The following FAT4 variants were observed in gnomAD, a reference collection of about 807,000 sequenced individuals.
FAT4 encodes protocadherin Fat 4.
Under a neutral mutation model 303.9 loss-of-function variants are expected in FAT4, and 84 were observed. That is an observed-to-expected ratio of 0.28 (90% confidence interval 0.23 to 0.33). The LOEUF is 0.33. Among genes scored for constraint, FAT4 ranks in the 10% least tolerant of loss-of-function variants. The probability of loss-of-function intolerance (pLI) is 1.00; values close to 1 mark genes in which losing one functional copy is unlikely to be tolerated. For missense variants in FAT4, 6,005 were observed against 6,146.8 expected (o/e 0.98, Z 0.77); for synonymous variants, 2,307 against 2,298.8 (o/e 1.00, Z -0.10).
At chr4:125,333,619 T>A (rs1354982076) in intron 2 of FAT4, among the ~76,000 whole-genome samples, 1 of 152,194 alleles carries the variant, frequency 6.6e-6, no homozygotes, top group Non-Finnish European at 1.5e-5. Flanking sequence ...AGGAAAAATC[T>A]AACTAGAGAG....
intron 11 of FAT4, 121 bp from the exon 12 acceptor site, chr4:125,468,391 T>C (rs572706670): frequency 1.6e-6 from 1 of 617,534 alleles, no homozygotes; most frequent in Non-Finnish European, 2.5e-6. Flanking sequence ...TGAAATTTTT[T>C]GGAAAGTAAA....
rs2126097563 is a variant in FAT4 at position 125,490,904 on chromosome 4, T to C, written c.14088T>C (p.Thr4696=). 6.2e-7 allele frequency: 1 copy of C among 1,614,116 alleles called. No individual in the cohort carries two copies. The highest frequency in any genetic ancestry group is 8.5e-7 in the Non-Finnish European group (1 of 1,180,030). The change falls in exon 18 of 18, where the codon ACT becomes ACC. Residue 4696 remains threonine (T), a synonymous_variant. Coordinates refer to ENST00000394329, the MANE Select transcript of FAT4 (RefSeq NM_001291303.3). ...CCCTAAGCCACTCAGCATGCCCAAC[T>C]CCCAACCCTCTGTCTCGACACAGTC... is the stretch of plus-strand genomic sequence containing the variant. ...TSSLSHSACP[T]PNPLSRHSPA... is the part of the protein sequence containing the mutation.
chr4:125,416,922 G>A (rs1339796919), intron 7 of FAT4, among the ~76,000 whole-genome samples: 1 of 151,992 alleles, frequency 6.6e-6, no homozygotes, highest in Non-Finnish European at 1.5e-5. Context: ...CTCCAGCCTG[G>A]GCAACAAGAA....
intron 16 of FAT4, among the ~76,000 whole-genome samples, chr4:125,481,970 A>C (rs1268100901): frequency 6.6e-6 from 1 of 152,218 alleles, no homozygotes; most frequent in Admixed American, 6.5e-5. Context: ...TAGAGTAGAG[A>C]ACCCTGCCAG....
chr4:125,457,555 T>C (rs760797405), intron 10 of FAT4, among the ~76,000 whole-genome samples: 15 of 151,952 alleles, frequency 9.9e-5, no homozygotes, highest in Non-Finnish European at 1.8e-4. Flanking sequence ...CAAAAGAAAA[T>C]TGAAAAAAAG....
At chr4:125,417,383 T>A (rs911182282) in intron 7 of FAT4, among the ~76,000 whole-genome samples, 1 of 152,148 alleles carries the variant, frequency 6.6e-6, no homozygotes, top group African/African-American at 2.4e-5. Flanking sequence ...ATGTGCAGGC[T>A]GCTCAAGAAC....
intron 8 of FAT4, among the ~76,000 whole-genome samples, chr4:125,434,827 C>T (rs116543404): frequency 0.015 from 2,311 of 152,184 alleles, 68 homozygotes; most frequent in African/African-American, 0.053. Flanking sequence ...ATCTTGGCCC[C>T]CTCTGTCCTC....
rs779321842 is a variant in FAT4 at position 125,317,860 on chromosome 4, C to T, written c.1449C>T (p.Asn483=). 9.6e-5 allele frequency: 155 copies of T among 1,614,020 alleles called. No homozygotes were observed. Among genetic ancestry groups the T allele is most frequent in the Middle Eastern group, 3.3e-4 (2 of 6,084 alleles). ...PVFSQQVYRV[N]LSEEAPPGSY... The stretch of plus-strand genomic sequence containing the variant: ...TTTCACAGCAAGTGTACAGAGTGAA[C>T]CTGAGCGAGGAGGCGCCTCCGGGAA... The change falls in exon 2 of 18, where the codon AAC becomes AAT. Residue 483 remains asparagine (N), a synonymous_variant. Coordinates refer to ENST00000394329, the MANE Select transcript of FAT4 (RefSeq NM_001291303.3). This position sits in a 1 kb window ranked among gnomAD's most constrained non-coding sequence, Gnocchi z 7.0.
At position 125,408,603 on chromosome 4, in the gene FAT4, A is replaced by G; in HGVS notation, c.5729A>G (p.Gln1910Arg). Residue 1910 changes from glutamine to arginine, a missense_variant, in exon 5 of 18, where the codon CAA becomes CGA. Coordinates refer to ENST00000394329, the MANE Select transcript of FAT4 (RefSeq NM_001291303.3). The stretch of plus-strand genomic sequence containing the variant: ...CGATTATTAGATTATGAAGTACAGC[A>G]ATATTATATCCTCACTGTTCGAGCA... Reference protein sequence around the residue: ...LTRLLDYEVQQYYILTVRAED... With the variant: ...LTRLLDYEVQRYYILTVRAED... 1 of 1,612,836 alleles carries G rather than the reference A, an allele frequency of 6.2e-7. No individual in the cohort carries two copies. Among genetic ancestry groups the G allele is most frequent in the South Asian group, 1.1e-5 (1 of 91,028 alleles).
At chr4:125,377,057 A>G (rs748380211) in intron 2 of FAT4, among the ~76,000 whole-genome samples, 12 of 151,924 alleles carry the variant, frequency 7.9e-5, no homozygotes, top group Non-Finnish European at 1.3e-4. Context: ...GGTGGTTGTT[A>G]TTTTCTTTGT....
intron 7 of FAT4, among the ~76,000 whole-genome samples, chr4:125,432,166 C>T (rs1383574285): frequency 6.6e-6 from 1 of 152,106 alleles, no homozygotes; most frequent in Non-Finnish European, 1.5e-5. Flanking sequence ...GCTGCTTGTC[C>T]AGACCCCCAA....
At chr4:125,362,770 A>T (rs945812209) in intron 2 of FAT4, 2 of 152,180 alleles carry the variant, frequency 1.3e-5, no homozygotes, top group Non-Finnish European at 2.9e-5. Flanking sequence ...CAGTATTCAA[A>T]AGCTATGTGA....
intron 8 of FAT4, 45 bp downstream of exon 8, chr4:125,434,470 A>G (rs1352573577): frequency 1.9e-6 from 3 of 1,561,790 alleles, no homozygotes; most frequent in East Asian, 4.5e-5. Context: ...TTCTCATTAA[A>G]CATTAGTTTT....
intron 2 of FAT4, among the ~76,000 whole-genome samples, chr4:125,338,333 G>T (rs555662203): frequency 1.3e-5 from 2 of 152,104 alleles, no homozygotes; most frequent in Non-Finnish European, 2.9e-5. Context: ...AAGGATTTCC[G>T]AATTAGAAGG....
intron 2 of FAT4, among the ~76,000 whole-genome samples, chr4:125,373,183 A>T (rs1462356050): frequency 6.6e-6 from 1 of 152,172 alleles, no homozygotes; most frequent in African/African-American, 2.4e-5. Context: ...TAAAAGTTAG[A>T]GGATGATTTG....
chr4:125,319,356 T>C lies in FAT4; in HGVS notation c.2945T>C (p.Leu982Ser). Residue 982 changes from leucine (L) to serine (S), a missense_variant, in exon 2 of 18, where the codon TTA becomes TCA. Physicochemically the swap from Leu to Ser is moderately radical, Grantham distance 145. Coordinates refer to ENST00000394329, the MANE Select transcript of FAT4 (RefSeq NM_001291303.3). Reference protein sequence around the residue: ...GVPQLSSSVILTVYVHDVNDN... With the variant: ...GVPQLSSSVISTVYVHDVNDN... ...CCACAGCTCTCCTCTAGTGTCATCT[T>C]AACAGTTTATGTCCATGATGTAAAT... 6.2e-7 allele frequency: 1 copy of C among 1,612,560 alleles called. No homozygotes were observed. Among genetic ancestry groups the C allele is most frequent in the East Asian group, 2.2e-5 (1 of 44,868 alleles).
At chr4:125,326,755 G>A (rs942742542) in intron 2 of FAT4, among the ~76,000 whole-genome samples, 5 of 152,112 alleles carry the variant, frequency 3.3e-5, no homozygotes, top group African/African-American at 1.2e-4. Context: ...AAGCATTTAA[G>A]GCCAGGCAAA....
intron 15 of FAT4, 131 bp from the exon 16 acceptor site, chr4:125,481,390 G>A: frequency 1.5e-6 from 1 of 685,618 alleles, no homozygotes; most frequent in Non-Finnish European, 2.4e-6. Context: ...TTTTTTAAGA[G>A]TAGAGTTGGG....
chr4:125,402,605 A>G (rs569893434), intron 3 of FAT4, among the ~76,000 whole-genome samples: 1 of 152,148 alleles, frequency 6.6e-6, no homozygotes, highest in African/African-American at 2.4e-5. Context: ...AGAATGCAGT[A>G]CAAACTAACA....
Sources: allele counts gnomAD v4.1 joint callset (sites outside exome capture counted in the v4.1 genomes callset), GRCh38; gene constraint gnomAD v4.1.1; non-coding constraint Gnocchi (gnomAD v3.1); transcripts MANE v1.5; gene names NCBI Gene and HGNC (gene_info 2026-07-23, HGNC 2026-07-21).